The following DNAJC13 variants were observed in gnomAD, a reference collection of about 807,000 sequenced individuals.
DNAJC13 encodes DnaJ heat shock protein family (Hsp40) member C13.
In DNAJC13, 75 loss-of-function variants were observed where a neutral mutation model predicts 290.5. The observed-to-expected ratio is 0.26, with a 90% CI of 0.21 to 0.31. DNAJC13 has a LOEUF of 0.31. DNAJC13 is among the 10% of genes least tolerant of loss of function. DNAJC13 has a pLI of 1.00. For missense variants in DNAJC13, 2,260 were observed against 2,674.5 expected (o/e 0.85, Z 3.42); for synonymous variants, 862 against 892.0 (o/e 0.97, Z 0.60).
intron 1 of DNAJC13, among the ~76,000 whole-genome samples, chr3:132,425,378 C>A (rs1470786048): frequency 6.6e-6 from 1 of 152,064 alleles, no homozygotes; most frequent in Non-Finnish European, 1.5e-5. Flanking sequence ...CAATTTTCAC[C>A]CAACATATTG....
intron 38 of DNAJC13, 119 bp from the exon 39 acceptor site, chr3:132,500,674 GA>G: frequency 7.6e-7 from 1 of 1,311,082 alleles, no homozygotes; most frequent in South Asian, 1.5e-5. Context: ...TTTAATTTTG[GA>G]ACATTGTATA....
intron 1 of DNAJC13, among the ~76,000 whole-genome samples, chr3:132,423,296 G>A (rs1043265669): frequency 8.5e-5 from 13 of 152,104 alleles, no homozygotes; most frequent in African/African-American, 2.7e-4. Flanking sequence ...AAATTATTTC[G>A]ACGCTTTGAT....
intron 51 of DNAJC13, 29 bp downstream of exon 51, chr3:132,523,742 C>CA: frequency 6.3e-7 from 1 of 1,599,990 alleles, no homozygotes; most frequent in South Asian, 1.1e-5. Flanking sequence ...CAAAACATTT[C>CA]AAAGACTTGG....
At chr3:132,467,141 A>G in intron 19 of DNAJC13, 29 bp from the exon 20 acceptor site, 1 of 1,600,894 alleles carries the variant, frequency 6.2e-7, no homozygotes, top group Non-Finnish European at 8.5e-7. Flanking sequence ...GCAAACAGGC[A>G]TGTAATGGAT....
chr3:132,494,562 T>C (rs1172732655), intron 34 of DNAJC13, among the ~76,000 whole-genome samples: 2 of 152,188 alleles, frequency 1.3e-5, no homozygotes, highest in Non-Finnish European at 2.9e-5. Context: ...TTTTTCCTCT[T>C]CCTTTTGTAA....
At chr3:132,494,716 G>A (rs1331674469) in intron 34 of DNAJC13, among the ~76,000 whole-genome samples, 2 of 152,100 alleles carry the variant, frequency 1.3e-5, no homozygotes, top group African/African-American at 4.8e-5. Context: ...GAAAACTTAA[G>A]TATAGACTAA....
intron 20 of DNAJC13, among the ~76,000 whole-genome samples, chr3:132,471,573 T>A (rs1156641945): frequency 7.7e-6 from 1 of 129,780 alleles, no homozygotes; most frequent in African/African-American, 3.0e-5. Context: ...AGATGGGGTC[T>A]CGGCCGGGCA....
chr3:132,455,766 A>T (rs879896205), intron 9 of DNAJC13, among the ~76,000 whole-genome samples: 3 of 152,224 alleles, frequency 2.0e-5, no homozygotes, highest in Non-Finnish European at 2.9e-5. Flanking sequence ...TGTTTTTATG[A>T]AGTTTCTTTA....
chr3:132,512,921 C>A, intron 44 of DNAJC13, 87 bp from the exon 45 acceptor site: 1 of 1,065,536 alleles, frequency 9.4e-7, no homozygotes, highest in Non-Finnish European at 1.4e-6. Context: ...TTAAAATTGA[C>A]AGTAAACAAC....
intron 54 of DNAJC13, among the ~76,000 whole-genome samples, chr3:132,530,663 C>G (rs1936389386): frequency 1.3e-5 from 2 of 152,204 alleles, no homozygotes; most frequent in Non-Finnish European, 2.9e-5. Context: ...CTCATCAGCC[C>G]ATACACTGTC....
intron 44 of DNAJC13, among the ~76,000 whole-genome samples, chr3:132,511,949 T>G (rs1300212233): frequency 6.6e-6 from 1 of 152,218 alleles, no homozygotes; most frequent in East Asian, 1.9e-4. Context: ...GTTAAAATTC[T>G]GACTTTTGGG....
At chr3:132,499,674 A>G (rs904320054) in intron 37 of DNAJC13, 60 bp from the exon 38 acceptor site, 2 of 1,399,446 alleles carry the variant, frequency 1.4e-6, no homozygotes, top group Non-Finnish European at 2.0e-6. Context: ...TACTGCTAGA[A>G]AAGGCCTTTC....
chr3:132,471,060 C>T (rs1225383612), intron 20 of DNAJC13, among the ~76,000 whole-genome samples: 36 of 131,428 alleles, frequency 2.7e-4, no homozygotes, highest in South Asian at 7.3e-4. Context: ...GCTGGCCAGG[C>T]GGGGGGCTTA....
intron 55 of DNAJC13, chr3:132,537,070 A>G (rs1398486520): frequency 6.6e-6 from 3 of 454,522 alleles, no homozygotes; most frequent in Admixed American, 2.4e-5. Flanking sequence ...TCCTCCACCA[A>G]TCCCTGTTTC....
intron 45 of DNAJC13, among the ~76,000 whole-genome samples, chr3:132,514,019 G>A (rs1002526330): frequency 9.2e-5 from 14 of 152,058 alleles, no homozygotes; most frequent in Admixed American, 2.6e-4. Flanking sequence ...TATTTAAATC[G>A]AAAAACATGT....
chr3:132,469,738 T>G (rs2107681497), intron 20 of DNAJC13, among the ~76,000 whole-genome samples: 1 of 152,170 alleles, frequency 6.6e-6, no homozygotes, highest in Middle Eastern at 3.4e-3. Context: ...AGGAAACATT[T>G]TCTTATATAA....
intron 2 of DNAJC13, among the ~76,000 whole-genome samples, chr3:132,437,478 G>A (rs61300354): frequency 0.071 from 10,805 of 152,154 alleles, 790 homozygotes; most frequent in African/African-American, 0.19. Flanking sequence ...CTTTAATTGC[G>A]TTAATTTTTG....
intron 1 of DNAJC13, among the ~76,000 whole-genome samples, chr3:132,423,757 A>G (rs1188675079): frequency 6.6e-6 from 1 of 152,240 alleles, no homozygotes; most frequent in African/African-American, 2.4e-5. Context: ...TTTTAATAGT[A>G]TAAAAAGAAC....
intron 1 of DNAJC13, among the ~76,000 whole-genome samples, chr3:132,421,693 G>A (rs1938963970): frequency 6.6e-6 from 1 of 151,700 alleles, no homozygotes; most frequent in African/African-American, 2.4e-5. Context: ...ACCCACCCAG[G>A]CCTCCCAAAG....
Sources: gnomAD v4.1 joint callset for allele counts (sites outside exome capture counted in the v4.1 genomes callset) on GRCh38, gnomAD v4.1.1 for gene constraint, MANE v1.5 for transcripts, NCBI Gene and HGNC (gene_info 2026-07-23, HGNC 2026-07-21) for gene names.